The following TMEM87B variants were observed in gnomAD, a reference collection of about 807,000 sequenced individuals.
TMEM87B encodes the protein transmembrane protein 87B.
Under a neutral mutation model 80.3 loss-of-function variants are expected in TMEM87B, and 83 were observed. That is an observed-to-expected ratio of 1.03 (90% CI 0.87 to 1.24). TMEM87B has a LOEUF of 1.24. Among genes scored for constraint, TMEM87B ranks in the 50% most tolerant of loss-of-function variants. The pLI is 0.00. For synonymous variants in TMEM87B, 219 were observed against 230.5 expected (o/e 0.95, Z 0.45); for missense variants, 625 against 674.4 (o/e 0.93, Z 0.81).
intron 6 of TMEM87B, among the ~76,000 whole-genome samples, chr2:112,080,470 A>G (rs968311192): frequency 6.0e-5 from 9 of 149,386 alleles, no homozygotes; most frequent in Admixed American, 3.3e-4. Flanking sequence ...CGTGTTAGCC[A>G]GGATGGTCTC....
rs1179429434 is a variant in TMEM87B at position 112,081,810 on chromosome 2, C to T, written c.838+292C>T. 6.6e-5 allele frequency among the ~76,000 whole-genome samples: 10 copies of T among 152,160 alleles called. 1 individual carries two copies. Among genetic ancestry groups the T allele is most frequent in the South Asian group, 4.1e-4 (2 of 4,824 alleles). Reference sequence around the variant, plus strand: ...GCTTGGATTAAAACAGCACAAAGTTCGGGACAGGGAGACTTCAGGTGCTGT... The same window carrying T: ...GCTTGGATTAAAACAGCACAAAGTTTGGGACAGGGAGACTTCAGGTGCTGT... On this transcript the variant is annotated intron_variant, in intron 8 of 18. Transcript: ENST00000283206.
rs546482743 is a variant in TMEM87B, at chr2:112,106,364, C to T, written c.1524+289C>T. Among the ~76,000 whole-genome samples, 8 of 152,240 alleles carry T rather than the reference C, an allele frequency of 5.3e-5. No homozygotes were observed. In the East Asian group the frequency reaches 9.6e-4, roughly 18 times the overall value. ...TGCAGAGTCTCAGGCCTACCCCGGA[C>T]GCTCCTGAATTGGAATCTGCTTTTT... On this transcript the variant is annotated intron_variant, in intron 16 of 18. Transcript: ENST00000283206.
chr2:112,082,827 G>GACTTTA (rs1180266819), intron 8 of TMEM87B, among the ~76,000 whole-genome samples: 2 of 152,076 alleles, frequency 1.3e-5, no homozygotes, highest in African/African-American at 4.8e-5. Flanking sequence ...GAAGGTAAAG[G>GACTTTA]GTGGCATGGA....
intron 5 of TMEM87B, among the ~76,000 whole-genome samples, chr2:112,076,901 T>TGTGTGTGTGTGTGTGTG (rs1678838841): frequency 6.8e-6 from 1 of 146,784 alleles, no homozygotes; most frequent in Non-Finnish European, 1.5e-5. Flanking sequence ...TGTGTGTGTG[T>TGTGTGTGTGTGTGTGTG]TTAAAAGAAA....
intron 6 of TMEM87B, among the ~76,000 whole-genome samples, chr2:112,077,588 G>A (rs1380064819): frequency 2.6e-5 from 4 of 152,086 alleles, no homozygotes; most frequent in Non-Finnish European, 4.4e-5. Context: ...GAAATGTGTA[G>A]GCAACTTTTT....
intron 3 of TMEM87B, among the ~76,000 whole-genome samples, chr2:112,065,322 C>T (rs1005876189): frequency 1.3e-5 from 2 of 151,992 alleles, no homozygotes; most frequent in African/African-American, 4.8e-5. Context: ...AAATTTAACA[C>T]TGATAAAATG....
In TMEM87B at chr2:112,103,739, A is replaced by T. The variant is rs1573724994; in HGVS notation, c.1451-2263A>T. Among the ~76,000 whole-genome samples, 3 of 152,312 alleles carry T rather than the reference A, an allele frequency of 2.0e-5. No individual in the cohort carries two copies. The South Asian group carries it at 6.2e-4, about 32-fold the overall frequency. ...TTTCCAAAATTGGAGAGTGGTGAAT[A>T]TCTCAAATCTCTGTGAATATCTCAA... is the stretch of plus-strand genomic sequence containing the variant. On this transcript the variant is annotated intron_variant, in intron 15 of 18. Coordinates refer to ENST00000283206, the MANE Select transcript of TMEM87B (RefSeq NM_032824.3).
chr2:112,061,644 A>G (rs2104454278), intron 2 of TMEM87B, among the ~76,000 whole-genome samples: 1 of 152,344 alleles, frequency 6.6e-6, no homozygotes, highest in South Asian at 2.1e-4. Context: ...TGGTGCTGAC[A>G]AAAAGTTATA....
intron 10 of TMEM87B, 116 bp from the exon 11 acceptor site, chr2:112,091,596 A>G: frequency 1.4e-6 from 1 of 718,212 alleles, no homozygotes; most frequent in South Asian, 1.9e-5. Flanking sequence ...TAAATCTTTT[A>G]TGTGGCTTTG....
intron 14 of TMEM87B, among the ~76,000 whole-genome samples, chr2:112,099,284 A>G (rs1426645645): frequency 1.3e-5 from 2 of 152,092 alleles, no homozygotes; most frequent in Non-Finnish European, 2.9e-5. Flanking sequence ...CCAATCCAGA[A>G]TGCTACAAAA....
intron 1 of TMEM87B, among the ~76,000 whole-genome samples, chr2:112,056,786 A>G (rs1232062520): frequency 1.3e-5 from 2 of 152,286 alleles, no homozygotes; most frequent in African/African-American, 4.8e-5. Flanking sequence ...TAGTGCAGCC[A>G]TTTCCTCCAG....
intron 4 of TMEM87B, among the ~76,000 whole-genome samples, chr2:112,071,306 G>A (rs796889935): frequency 3.4e-4 from 23 of 67,246 alleles, no homozygotes; most frequent in Admixed American, 1.2e-3. Context: ...TTCCCCCCCC[G>A]CCCCCCCGCC....
intron 8 of TMEM87B, among the ~76,000 whole-genome samples, chr2:112,083,434 G>A (rs1163799052): frequency 6.6e-6 from 1 of 152,186 alleles, no homozygotes; most frequent in Non-Finnish European, 1.5e-5. Context: ...AGTTGTTCTA[G>A]CTTCATCTCA....
intron 15 of TMEM87B, among the ~76,000 whole-genome samples, chr2:112,104,626 G>T (rs1679719313): frequency 6.6e-6 from 1 of 152,182 alleles, no homozygotes; most frequent in Admixed American, 6.6e-5. Context: ...TTGAAGGAAT[G>T]TAGAATAGCA....
intron 5 of TMEM87B, among the ~76,000 whole-genome samples, chr2:112,076,549 A>G (rs913161382): frequency 1.1e-4 from 17 of 152,022 alleles, no homozygotes; most frequent in Admixed American, 9.2e-4. Flanking sequence ...CACGTTGGCC[A>G]GGCTGGTTTC....
intron 13 of TMEM87B, among the ~76,000 whole-genome samples, chr2:112,098,119 A>G (rs1377330851): frequency 6.6e-6 from 1 of 151,964 alleles, no homozygotes; most frequent in East Asian, 1.9e-4. Context: ...GATGTTTTCT[A>G]TGGGTTCTCA....
intron 10 of TMEM87B, 26 bp from the exon 11 acceptor site, chr2:112,091,686 T>A: frequency 6.5e-7 from 1 of 1,538,832 alleles, no homozygotes; most frequent in African/African-American, 1.4e-5. Context: ...TACATTCAGG[T>A]TTCTTCCCTT....
At position 112,095,461 on chromosome 2, in the gene TMEM87B, A is replaced by G. The variant is rs147256948; in HGVS notation, c.1105-1583A>G. Reference sequence around the variant, plus strand: ...TTAGGCAATTTCAAATTTACTTTTTATTCCTTAGCTTAAAAACATTTTTTT... The same window carrying G: ...TTAGGCAATTTCAAATTTACTTTTTGTTCCTTAGCTTAAAAACATTTTTTT... On this transcript the variant is annotated intron_variant, in intron 11 of 18. Transcript: ENST00000283206. 26 of 978,196 alleles carry G rather than the reference A, an allele frequency of 2.7e-5. No homozygotes were observed. The African/African-American group carries it at 4.2e-4, about 16-fold the overall frequency. 60.6% of individuals were successfully genotyped at this position (978,196 alleles called of 1,614,324 possible). A position where few individuals can be genotyped will look rare whatever the true frequency, so the allele number is the denominator to read the frequency against.
chr2:112,099,454 C>A (rs886154646), intron 14 of TMEM87B, among the ~76,000 whole-genome samples: 14 of 150,600 alleles, frequency 9.3e-5, no homozygotes, highest in Non-Finnish European at 2.1e-4. Context: ...TGGTCTCAGG[C>A]ATTTTGCATA....
Sources: gnomAD v4.1 joint callset for allele counts (sites outside exome capture counted in the v4.1 genomes callset) on GRCh38, gnomAD v4.1.1 for gene constraint, MANE v1.5 for transcripts, NCBI Gene and HGNC (gene_info 2026-07-23, HGNC 2026-07-21) for gene names.